The following ACSL1 variants were observed in gnomAD, a reference collection of about 807,000 sequenced individuals.
ACSL1 encodes the protein long-chain-fatty-acid--CoA ligase 1.
A neutral mutation model predicts 98.4 loss-of-function variants in ACSL1; 41 were observed. The ratio of observed to expected loss-of-function variants is 0.42; its 90% CI spans 0.32 to 0.54. The LOEUF (loss-of-function observed/expected upper bound fraction) is 0.54. ACSL1 is among the 20% of genes least tolerant of loss of function. The pLI, the probability that ACSL1 is intolerant of heterozygous loss-of-function variation, is 0.13. For synonymous variants in ACSL1, 316 were observed against 322.7 expected (o/e 0.98, Z 0.22); for missense variants, 734 against 883.1 (o/e 0.83, Z 2.14).
intron 1 of ACSL1, among the ~76,000 whole-genome samples, chr4:184,811,495 C>G (rs565914014): frequency 7.4e-4 from 113 of 152,222 alleles, no homozygotes; most frequent in African/African-American, 2.6e-3. Flanking sequence ...TACAATGGAA[C>G]ATTATCCAAC....
chr4:184,759,271 T>C (rs924451253), intron 18 of ACSL1, among the ~76,000 whole-genome samples: 7 of 152,166 alleles, frequency 4.6e-5, no homozygotes, highest in African/African-American at 1.7e-4. Flanking sequence ...TACCCAGTAA[T>C]GGGATTGCTG....
chr4:184,764,863 G>A lies in ACSL1; in HGVS notation c.1422C>T (p.Asp474=), dbSNP rs753242610. 7 of 1,613,634 alleles carry A rather than the reference G, an allele frequency of 4.3e-6. No homozygotes were observed. Among genetic ancestry groups the A allele is most frequent in the Non-Finnish European group, 5.9e-6 (7 of 1,179,842 alleles). The part of the protein sequence containing the change: ...TAGCCLTMPG[D]WTAGHVGAPM... ...CTCCTACAGCCATACCTGCGGTCCAGTCTCCAGGCATGGTCAGGCAGCACC... is the reference window on the plus strand; with the variant it reads ...CTCCTACAGCCATACCTGCGGTCCAATCTCCAGGCATGGTCAGGCAGCACC... The change falls in exon 15 of 21, where the codon GAC becomes GAT. Residue 474 remains aspartate (D), a synonymous_variant. Coordinates refer to ENST00000281455, the MANE Select transcript of ACSL1 (RefSeq NM_001995.5).
intron 17 of ACSL1, 26 bp from the exon 18 acceptor site, chr4:184,760,526 T>G: frequency 6.2e-7 from 1 of 1,613,052 alleles, no homozygotes. Flanking sequence ...GAGGGGGTTA[T>G]GAATGGGCTG....
At chr4:184,768,555 C>T (rs1048342117) in intron 11 of ACSL1, 105 bp from the exon 12 acceptor site, 1 of 1,475,492 alleles carries the variant, frequency 6.8e-7, no homozygotes, top group African/African-American at 1.5e-5. Context: ...GGCCAGTTTC[C>T]AGAAATCTTA....
chr4:184,811,942 T>C (rs1455242142), intron 1 of ACSL1, among the ~76,000 whole-genome samples: 1 of 152,010 alleles, frequency 6.6e-6, no homozygotes, highest in African/African-American at 2.4e-5. Context: ...GAAGAGACAC[T>C]GGGAGGAGGA....
intron 1 of ACSL1, chr4:184,808,193 G>GT (rs1259150729): frequency 2.7e-5 from 15 of 565,298 alleles, no homozygotes; most frequent in Non-Finnish European, 3.4e-5. Flanking sequence ...AGGGCCAGAG[G>GT]TGACTCACAA....
At position 184,756,299 on chromosome 4, in the gene ACSL1, T is replaced by G. The variant is rs1324606371; in HGVS notation, c.*826A>C. ...GCTGAGCATGGCTGATCCAGGTAAC[T>G]CTTTCTTGAAATGCTTGTCTTCACT... On this transcript the variant is annotated 3_prime_UTR_variant, in exon 21 of 21. Transcript: ENST00000281455. The G allele has an allele frequency of 6.6e-6, 1 of 152,644 alleles. No individual in the cohort carries two copies. Among genetic ancestry groups the G allele is most frequent in the African/African-American group, 2.4e-5 (1 of 41,446 alleles). 9.5% of individuals were successfully genotyped at this position (152,644 alleles called of 1,614,324 possible). A position where few individuals can be genotyped will look rare whatever the true frequency, so the allele number is the denominator to read the frequency against.
chr4:184,799,992 T>C (rs1561229561), intron 2 of ACSL1, among the ~76,000 whole-genome samples: 1 of 152,238 alleles, frequency 6.6e-6, no homozygotes, highest in African/African-American at 2.4e-5. Context: ...TATACAACTT[T>C]CTACTACTAT....
rs1390341789 is a variant in ACSL1, at chr4:184,773,749, C to T, written c.790-35G>A. On this transcript the variant is annotated intron_variant, in intron 8 of 20. Transcript: ENST00000281455. The surrounding 1 kb of genome is among the most constrained non-coding windows in gnomAD (Gnocchi z 4.3). ...AAAAAAAAAAAAAGCTGGTATAAATCAGAACAGAAAAGAGAACTATAAGCC... is the reference window on the plus strand; with the variant it reads ...AAAAAAAAAAAAAGCTGGTATAAATTAGAACAGAAAAGAGAACTATAAGCC... 1.2e-6 allele frequency: 2 copies of T among 1,602,980 alleles called. No individual in the cohort carries two copies. Among genetic ancestry groups the T allele is most frequent in the East Asian group, 4.5e-5 (2 of 44,782 alleles).
intron 1 of ACSL1, among the ~76,000 whole-genome samples, chr4:184,822,603 G>A (rs1467780345): frequency 6.6e-6 from 1 of 152,174 alleles, no homozygotes; most frequent in Non-Finnish European, 1.5e-5. Flanking sequence ...GCTGGGCATA[G>A]TGATGTGCGC....
At chr4:184,798,552 G>T (rs1579934189) in intron 2 of ACSL1, 1 of 181,500 alleles carries the variant, frequency 5.5e-6, no homozygotes, top group Non-Finnish European at 1.2e-5. Flanking sequence ...CTTGCATGGG[G>T]CTCATCACCA....
At chr4:184,818,466 C>A (rs941628377) in intron 1 of ACSL1, among the ~76,000 whole-genome samples, 5 of 152,170 alleles carry the variant, frequency 3.3e-5, no homozygotes, top group African/African-American at 1.2e-4. Context: ...ACTTTCGATG[C>A]CTTGATCTTG....
intron 1 of ACSL1, chr4:184,815,047 C>T (rs775832015): frequency 6.6e-6 from 3 of 456,190 alleles, no homozygotes; most frequent in African/African-American, 2.0e-5. Context: ...AAGACAAACA[C>T]ACCTGCAAGA....
intron 5 of ACSL1, among the ~76,000 whole-genome samples, chr4:184,777,781 AAGAG>A (rs59773222): frequency 8.6e-5 from 13 of 151,338 alleles, no homozygotes; most frequent in Non-Finnish European, 1.8e-4. Context: ...AAGAGAAAGA[AAGAG>A]AGAGAGAGAG....
At chr4:184,769,310 C>G (rs1764138291) in intron 11 of ACSL1, among the ~76,000 whole-genome samples, 1 of 151,994 alleles carries the variant, frequency 6.6e-6, no homozygotes, top group Non-Finnish European at 1.5e-5. Context: ...TTTTTCCTGT[C>G]TAGTACAAAC....
Position 184,757,362 on chromosome 4 carries a change from T to A in ACSL1, c.1957-97A>T. 7.1e-7 allele frequency: 1 copy of A among 1,416,374 alleles called. No individual in the cohort carries two copies. The highest frequency in any genetic ancestry group is 9.5e-7 in the Non-Finnish European group (1 of 1,055,224). 87.7% of individuals were successfully genotyped at this position (1,416,374 alleles called of 1,614,324 possible). On this transcript the variant is annotated intron_variant, in intron 20 of 20. Coordinates refer to ENST00000281455, the MANE Select transcript of ACSL1 (RefSeq NM_001995.5). This position sits in a 1 kb window ranked among gnomAD's most constrained non-coding sequence, Gnocchi z 4.5. ...GGAGGGGATCAACACTCTCCAGCCA[T>A]CCAATCCATCCTCTCATTTCAGCCA...
intron 1 of ACSL1, among the ~76,000 whole-genome samples, chr4:184,806,257 T>G (rs543907078): frequency 6.6e-6 from 1 of 152,270 alleles, no homozygotes; most frequent in African/African-American, 2.4e-5. Context: ...ACAAATCAAG[T>G]CCATGTCCTA....
rs139509146 is a variant in ACSL1 at position 184,819,111 on chromosome 4, C to T, written c.-33+6805G>A. ...ACAAGGAATGGCATTCCAAATAGGCCAACATGGGCATCGTACCATTTAGAT... is the reference window on the plus strand; with the variant it reads ...ACAAGGAATGGCATTCCAAATAGGCTAACATGGGCATCGTACCATTTAGAT... On this transcript the variant is annotated intron_variant, in intron 1 of 20. Transcript: ENST00000281455. Among the ~76,000 whole-genome samples the T allele has an allele frequency of 1.1e-3, 171 of 150,576 alleles. 2 individuals carry two copies. Among genetic ancestry groups the T allele is most frequent in the South Asian group, 3.8e-3 (18 of 4,740 alleles).
At chr4:184,791,682 G>A (rs1768391074) in intron 2 of ACSL1, among the ~76,000 whole-genome samples, 2 of 152,210 alleles carry the variant, frequency 1.3e-5, no homozygotes, top group African/African-American at 2.4e-5. Context: ...TGTGGAACAG[G>A]AGGGAGGGAA....
Sources: allele counts gnomAD v4.1 joint callset (sites outside exome capture counted in the v4.1 genomes callset), GRCh38; gene constraint gnomAD v4.1.1; non-coding constraint Gnocchi (gnomAD v3.1); transcripts MANE v1.5; gene names NCBI Gene and HGNC (gene_info 2026-07-23, HGNC 2026-07-21).